The following NPSR1 variants were observed in gnomAD, a reference collection of about 807,000 sequenced individuals.
The protein encoded by NPSR1 is neuropeptide S receptor.
In NPSR1, 48 loss-of-function variants were observed where a neutral mutation model predicts 46.9. The observed-to-expected ratio is 1.02, with a 90% CI of 0.81 to 1.30. The LOEUF (loss-of-function observed/expected upper bound fraction) is 1.30, where lower values mean the gene tolerates loss of function less well. NPSR1 is among the 50% of genes most tolerant of loss of function. The probability of loss-of-function intolerance (pLI) is 0.00; values close to 1 mark genes in which losing one functional copy is unlikely to be tolerated. For synonymous variants in NPSR1, 176 were observed against 168.1 expected (o/e 1.05, Z -0.36); for missense variants, 450 against 449.5 (o/e 1.00, Z -0.01).
intron 5 of NPSR1, among the ~76,000 whole-genome samples, chr7:34,831,522 G>T (rs1790118213): frequency 1.3e-5 from 2 of 152,108 alleles, no homozygotes; most frequent in Admixed American, 6.5e-5. Context: ...CAGTTGTATT[G>T]TTGGTGGCAA....
At chr7:34,787,545 C>T (rs552837073) in intron 3 of NPSR1, among the ~76,000 whole-genome samples, 6 of 152,244 alleles carry the variant, frequency 3.9e-5, no homozygotes, top group Non-Finnish European at 8.8e-5. Flanking sequence ...CAAAACTAAG[C>T]TTTTGGTCTA....
At chr7:34,733,701 A>T (rs995019850) in intron 2 of NPSR1, among the ~76,000 whole-genome samples, 6 of 152,202 alleles carry the variant, frequency 3.9e-5, no homozygotes, top group African/African-American at 1.4e-4. Context: ...GGATCTTTTC[A>T]TGACAAAGTA....
chr7:34,679,561 C>A (rs1792507446), intron 1 of NPSR1, among the ~76,000 whole-genome samples: 1 of 151,964 alleles, frequency 6.6e-6, no homozygotes, highest in South Asian at 2.1e-4. Flanking sequence ...ATAATAAAAC[C>A]AGTGATTTTT....
chr7:34,745,184 C>T (rs1342072238), intron 2 of NPSR1, among the ~76,000 whole-genome samples: 3 of 152,146 alleles, frequency 2.0e-5, no homozygotes, highest in Non-Finnish European at 4.4e-5. Flanking sequence ...GCCTCTTTCA[C>T]ATTCTCTTTA....
intron 3 of NPSR1, among the ~76,000 whole-genome samples, chr7:34,791,943 T>C (rs1185323919): frequency 2.0e-5 from 3 of 151,998 alleles, no homozygotes; most frequent in African/African-American, 7.2e-5. Context: ...AAATAAACAG[T>C]GGTGCCAAAA....
chr7:34,784,709 T>A lies in NPSR1; in HGVS notation c.384+6144T>A, dbSNP rs1177793619. Reference sequence around the variant, plus strand: ...ATGATGCTGGCCTCATAAAATGAGTTAGGGAGGATTCCCTCTTTTTCTATT... The same window carrying A: ...ATGATGCTGGCCTCATAAAATGAGTAAGGGAGGATTCCCTCTTTTTCTATT... On this transcript the variant is annotated intron_variant, in intron 3 of 8. Transcript: ENST00000360581. Among the ~76,000 whole-genome samples the A allele has an allele frequency of 2.0e-5, 3 of 152,276 alleles. No homozygotes were observed. The East Asian group carries it at 5.8e-4, about 29-fold the overall frequency.
At chr7:34,738,575 T>C (rs1784792575) in intron 2 of NPSR1, among the ~76,000 whole-genome samples, 1 of 152,200 alleles carries the variant, frequency 6.6e-6, no homozygotes, top group Non-Finnish European at 1.5e-5. Context: ...TTCTTTTTTT[T>C]CTTGTAATTT....
chr7:34,877,250 A>C (rs1791597435), intron 8 of NPSR1, among the ~76,000 whole-genome samples: 1 of 152,022 alleles, frequency 6.6e-6, no homozygotes, highest in Non-Finnish European at 1.5e-5. Context: ...TGGGACTTGG[A>C]TGCATGGGGG....
At chr7:34,753,993 G>A (rs1413060432) in intron 2 of NPSR1, among the ~76,000 whole-genome samples, 3 of 152,142 alleles carry the variant, frequency 2.0e-5, no homozygotes, top group Non-Finnish European at 4.4e-5. Context: ...CTGGATGTCA[G>A]ACCAGCACTA....
intron 2 of NPSR1, among the ~76,000 whole-genome samples, chr7:34,695,948 CTGAG>C (rs1338453903): frequency 6.6e-6 from 1 of 152,010 alleles, no homozygotes; most frequent in East Asian, 1.9e-4. Context: ...AATCTCACTA[CTGAG>C]TATCTACCCA....
rs145760588 is a variant in NPSR1 at position 34,707,886 on chromosome 7, C to T, written c.280+23202C>T. ...TCTCACAGTTCTAGAAGCTAGAAGT[C>T]CTCTATCAAAGTGTTGGCTAATTTT... On this transcript the variant is annotated intron_variant, in intron 2 of 8. Coordinates refer to ENST00000360581, the MANE Select transcript of NPSR1 (RefSeq NM_207172.2). 3.8e-3 allele frequency among the ~76,000 whole-genome samples: 573 copies of T among 152,258 alleles called. 1 individual carries two copies. The highest frequency in any genetic ancestry group is 0.013 in the African/African-American group (544 of 41,540).
chr7:34,713,974 C>A (rs904450259), intron 2 of NPSR1, among the ~76,000 whole-genome samples: 2 of 152,214 alleles, frequency 1.3e-5, no homozygotes, highest in African/African-American at 4.8e-5. Flanking sequence ...CTTAAAACAT[C>A]AGTTTATTGC....
intron 8 of NPSR1, among the ~76,000 whole-genome samples, chr7:34,866,554 G>A (rs1205273984): frequency 2.6e-5 from 4 of 151,632 alleles, no homozygotes; most frequent in Non-Finnish European, 5.9e-5. Flanking sequence ...GGGTGGTCAA[G>A]GTCACTATGT....
chr7:34,747,864 C>T (rs1785290364), intron 2 of NPSR1, among the ~76,000 whole-genome samples: 1 of 152,100 alleles, frequency 6.6e-6, no homozygotes, highest in Admixed American at 6.5e-5. Context: ...GCTCAGATTC[C>T]AGGACCCTAT....
intron 2 of NPSR1, among the ~76,000 whole-genome samples, chr7:34,702,724 C>T (rs2128696746): frequency 6.6e-6 from 1 of 152,280 alleles, no homozygotes. Context: ...CTGCAATAAA[C>T]ATTCTCATAA....
chr7:34,682,366 C>A (rs554450571), intron 1 of NPSR1, among the ~76,000 whole-genome samples: 1 of 152,250 alleles, frequency 6.6e-6, no homozygotes, highest in Non-Finnish European at 1.5e-5. Flanking sequence ...AACCTAGACA[C>A]CCCCAGGGCA....
chr7:34,790,724 T>TTATATGTTATATATAATA (rs1787714650), intron 3 of NPSR1, among the ~76,000 whole-genome samples: 10 of 112,814 alleles, frequency 8.9e-5, no homozygotes, highest in African/African-American at 3.4e-4. Context: ...ATAATATATG[T>TTATATGTTATATATAATA]TATATGTTAT....
intron 6 of NPSR1, among the ~76,000 whole-genome samples, chr7:34,836,674 G>C (rs892037625): frequency 6.7e-6 from 1 of 148,162 alleles, no homozygotes; most frequent in Non-Finnish European, 1.5e-5. Flanking sequence ...AAGAAAGAAA[G>C]AGAGAGAGGG....
At chr7:34,855,732 C>T (rs1033870182) in intron 8 of NPSR1, among the ~76,000 whole-genome samples, 1 of 151,962 alleles carries the variant, frequency 6.6e-6, no homozygotes, top group Non-Finnish European at 1.5e-5. Context: ...AATTGCAAGT[C>T]AATTTTGCCG....
Sources: gnomAD v4.1 joint callset for allele counts (sites outside exome capture counted in the v4.1 genomes callset) on GRCh38, gnomAD v4.1.1 for gene constraint, MANE v1.5 for transcripts, NCBI Gene and HGNC (gene_info 2026-07-23, HGNC 2026-07-21) for gene names.